The following ASCC3 variants were observed in gnomAD, a reference collection of about 807,000 sequenced individuals.
The protein encoded by ASCC3 is ASC-1 complex subunit P200.
A neutral mutation model predicts 256.3 loss-of-function variants in ASCC3; 158 were observed. The ratio of observed to expected loss-of-function variants is 0.62; its 90% CI spans 0.54 to 0.70. The LOEUF is 0.70. Among genes scored for constraint, ASCC3 ranks in the 30% least tolerant of loss-of-function variants. The pLI is 0.00. For missense variants in ASCC3, 2,259 were observed against 2,626.0 expected, an observed-to-expected ratio of 0.86 and a Z score of 3.05; for synonymous variants, 948 against 883.4, an observed-to-expected ratio of 1.07 and a Z score of -1.30.
chr6:100,822,263 G>A (rs992799371), intron 4 of ASCC3, among the ~76,000 whole-genome samples: 1 of 152,124 alleles, frequency 6.6e-6, no homozygotes, highest in African/African-American at 2.4e-5. Flanking sequence ...AATGCCAGGC[G>A]CAGTGGCTCA....
At chr6:100,684,643 C>T (rs1464590347) in intron 13 of ASCC3, among the ~76,000 whole-genome samples, 1 of 151,958 alleles carries the variant, frequency 6.6e-6, no homozygotes, top group Non-Finnish European at 1.5e-5. Context: ...GTTTATTACT[C>T]GTTTACATGC....
Position 100,509,496 on chromosome 6 carries a change from G to C in ASCC3, c.6499C>G (p.Leu2167Val), listed in dbSNP as rs778339455. The part of the protein sequence containing the change: ...YTLYFMSDCY[L>V]GLDQQYDIYL... ...ATGTCATACTGCTGGTCCAGGCCAA[G>C]GTAGCAGTCACTCATGAAATATAAT... Residue 2167 changes from leucine to valine, a missense_variant, in exon 42 of 42, where the codon CTT (leucine) becomes GTT (valine). Coordinates refer to ENST00000369162, the MANE Select transcript of ASCC3 (RefSeq NM_006828.4). 1 of 1,613,866 alleles carries C rather than the reference G, an allele frequency of 6.2e-7. No individual in the cohort carries two copies. The highest frequency in any genetic ancestry group is 1.1e-5 in the South Asian group (1 of 91,082).
At chr6:100,821,826 C>T (rs1167603938) in intron 4 of ASCC3, among the ~76,000 whole-genome samples, 1 of 148,274 alleles carries the variant, frequency 6.7e-6, no homozygotes, top group African/African-American at 2.5e-5. Context: ...TCCGACTCAC[C>T]AAAAAAAATA....
At chr6:100,568,398 A>G (rs1483331028) in intron 36 of ASCC3, among the ~76,000 whole-genome samples, 2 of 149,358 alleles carry the variant, frequency 1.3e-5, no homozygotes, top group African/African-American at 2.5e-5. Flanking sequence ...TCTGACTGGT[A>G]TGAGATAGTA....
Position 100,864,128 on chromosome 6 carries a change from C to G in ASCC3, c.177G>C (p.Glu59Asp). The change falls in exon 3 of 42, where the codon GAG becomes GAC. Residue 59 changes from glutamate (E) to aspartate (D), a missense_variant. Coordinates refer to ENST00000369162, the MANE Select transcript of ASCC3 (RefSeq NM_006828.4). ...CATTTATACTTTGCATTTTACTCTT[C>G]TCCAGTTTTTCATTCAAAAATTTTA... is the stretch of plus-strand genomic sequence containing the variant. Reference protein sequence around the residue: ...KIIKFLNEKLEKSKMQSINED... With the variant: ...KIIKFLNEKLDKSKMQSINED... The G allele has an allele frequency of 6.2e-7, 1 of 1,605,162 alleles. No homozygotes were observed. The highest frequency in any genetic ancestry group is 8.5e-7 in the Non-Finnish European group (1 of 1,174,098).
At chr6:100,700,793 A>G (rs1194457933) in intron 13 of ASCC3, among the ~76,000 whole-genome samples, 2 of 152,202 alleles carry the variant, frequency 1.3e-5, no homozygotes, top group South Asian at 2.1e-4. Context: ...GGAATGCTGT[A>G]TTTATCCAAT....
chr6:100,811,934 C>T lies in ASCC3; in HGVS notation c.802-6054G>A, dbSNP rs966543385. ...GTTTGTAGAGAAATTTATGTCCCCA[C>T]AAAATGTTGCAAACGAGACAGTAAT... On this transcript the variant is annotated intron_variant, in intron 4 of 41. Transcript: ENST00000369162. Among the ~76,000 whole-genome samples, 6 of 152,196 alleles carry T rather than the reference C, an allele frequency of 3.9e-5. No homozygotes were observed. The South Asian group carries it at 6.2e-4, about 16-fold the overall frequency.
intron 34 of ASCC3, among the ~76,000 whole-genome samples, chr6:100,592,494 A>G (rs767684481): frequency 2.6e-4 from 39 of 152,204 alleles, no homozygotes; most frequent in Middle Eastern, 3.5e-3. Flanking sequence ...CATCTTAATT[A>G]GATATACAAT....
chr6:100,565,005 T>C (rs1770157455), intron 36 of ASCC3, among the ~76,000 whole-genome samples: 1 of 152,194 alleles, frequency 6.6e-6, no homozygotes, highest in Admixed American at 6.6e-5. Flanking sequence ...ACTTTAAATA[T>C]GGTTCCTTGC....
chr6:100,720,013 T>C (rs1779251732), intron 11 of ASCC3, among the ~76,000 whole-genome samples: 2 of 152,082 alleles, frequency 1.3e-5, no homozygotes, highest in South Asian at 4.1e-4. Context: ...CTACATTGCC[T>C]TCCAATAGCT....
intron 36 of ASCC3, among the ~76,000 whole-genome samples, chr6:100,575,315 C>T (rs1770800802): frequency 6.6e-6 from 1 of 151,936 alleles, no homozygotes; most frequent in African/African-American, 2.4e-5. Context: ...AACATTCTTG[C>T]TTATTTTTTC....
At chr6:100,567,658 T>C (rs1304711420) in intron 36 of ASCC3, among the ~76,000 whole-genome samples, 1 of 152,172 alleles carries the variant, frequency 6.6e-6, no homozygotes, top group East Asian at 1.9e-4. Context: ...ACCTGCAGAA[T>C]TTGGTTTTCT....
chr6:100,513,934 A>G (rs1030967615), intron 39 of ASCC3, among the ~76,000 whole-genome samples: 22 of 151,268 alleles, frequency 1.5e-4, no homozygotes, highest in African/African-American at 4.9e-4. Context: ...ATCAGTTGTT[A>G]CCTTCTCAGT....
chr6:100,816,497 T>C (rs1770753435), intron 4 of ASCC3, among the ~76,000 whole-genome samples: 1 of 152,120 alleles, frequency 6.6e-6, no homozygotes. Flanking sequence ...AGCAAAGATA[T>C]GGAGTCAACC....
At chr6:100,855,228 C>T (rs923251017) in intron 3 of ASCC3, among the ~76,000 whole-genome samples, 3 of 151,980 alleles carry the variant, frequency 2.0e-5, no homozygotes, top group Non-Finnish European at 4.4e-5. Flanking sequence ...ATCCTCCAAA[C>T]TCAGCCTCCC....
chr6:100,865,744 T>A (rs1332547730), intron 2 of ASCC3, among the ~76,000 whole-genome samples: 3 of 152,098 alleles, frequency 2.0e-5, no homozygotes, highest in Non-Finnish European at 4.4e-5. Flanking sequence ...TTAAAGTGAA[T>A]GATGTTTTTC....
chr6:100,643,316 T>C (rs1049252500), intron 23 of ASCC3, among the ~76,000 whole-genome samples: 3 of 152,148 alleles, frequency 2.0e-5, no homozygotes, highest in African/African-American at 7.2e-5. Flanking sequence ...AATTGAGTCT[T>C]TGTCTTGTGA....
intron 17 of ASCC3, among the ~76,000 whole-genome samples, chr6:100,654,961 T>C (rs1775845879): frequency 6.6e-6 from 1 of 151,918 alleles, no homozygotes; most frequent in Non-Finnish European, 1.5e-5. Flanking sequence ...GGGGAAACTA[T>C]AATTTTGAAT....
At chr6:100,665,110 T>G (rs892466086) in intron 14 of ASCC3, among the ~76,000 whole-genome samples, 2 of 152,136 alleles carry the variant, frequency 1.3e-5, no homozygotes, top group African/African-American at 4.8e-5. Context: ...TCTTATAAAG[T>G]AGCAGGTGGA....
Sources: gnomAD v4.1 joint callset for allele counts (sites outside exome capture counted in the v4.1 genomes callset) on GRCh38, gnomAD v4.1.1 for gene constraint, MANE v1.5 for transcripts, NCBI Gene and HGNC (gene_info 2026-07-23, HGNC 2026-07-21) for gene names.